Variants in TENM2 observed in about 807,000 individuals in gnomAD.
The protein encoded by TENM2 is teneurin-2.
A neutral mutation model predicts 245.2 loss-of-function variants in TENM2; 52 were observed. The ratio of observed to expected loss-of-function variants is 0.21; its 90% CI spans 0.17 to 0.27. The LOEUF (loss-of-function observed/expected upper bound fraction) is 0.27, where lower values mean the gene tolerates loss of function less well. TENM2 is among the 10% of genes least tolerant of loss of function. TENM2 has a pLI of 1.00. For missense variants in TENM2, 3,046 were observed against 3,666.8 expected (o/e 0.83, Z 4.37); for synonymous variants, 1,363 against 1,438.9 (o/e 0.95, Z 1.19).
At chr5:168,123,719 G>T (rs970540278) in intron 10 of TENM2, among the ~76,000 whole-genome samples, 1 of 152,204 alleles carries the variant, frequency 6.6e-6, no homozygotes, top group Non-Finnish European at 1.5e-5. Context: ...ATCAAGTAAG[G>T]TGATGATACA....
At chr5:168,185,826 CT>C (rs5873094) in intron 13 of TENM2, among the ~76,000 whole-genome samples, 70,181 of 146,116 alleles carry the variant, frequency 0.48, 19,316 homozygotes, top group Admixed American at 0.65. Context: ...ACTTTTGCAT[CT>C]TTTTTTTTAA....
chr5:167,397,805 C>A (rs1762141956), intron 2 of TENM2, among the ~76,000 whole-genome samples: 1 of 152,150 alleles, frequency 6.6e-6, no homozygotes, highest in African/African-American at 2.4e-5. Context: ...AAATTCGCAT[C>A]AAGAAAAAGT....
At chr5:167,228,343 T>C in the TENM2 span, among the ~76,000 whole-genome samples, 51 of 151,992 alleles carry the variant, frequency 3.4e-4, 1 homozygote, top group Middle Eastern at 3.4e-3. Context: ...GATTCTTTCT[T>C]CTGCTTGATC....
chr5:167,404,128 C>G (rs1475624579), intron 2 of TENM2, among the ~76,000 whole-genome samples: 1 of 152,024 alleles, frequency 6.6e-6, no homozygotes, highest in Non-Finnish European at 1.5e-5. Flanking sequence ...ATTTAACTCT[C>G]AAGATGTGCC....
intron 2 of TENM2, among the ~76,000 whole-genome samples, chr5:167,707,627 C>T (rs543687231): frequency 6.6e-6 from 1 of 152,256 alleles, no homozygotes; most frequent in South Asian, 2.1e-4. Context: ...TTTGAAAATG[C>T]ACCAACAAAA....
the TENM2 span, among the ~76,000 whole-genome samples, chr5:167,051,433 G>GA: frequency 0.16 from 24,123 of 149,434 alleles, 3,010 homozygotes; most frequent in East Asian, 0.39. Flanking sequence ...TGAATTGGGA[G>GA]AAAAAAAAAA....
the TENM2 span, among the ~76,000 whole-genome samples, chr5:167,221,487 G>T: frequency 4.6e-5 from 7 of 152,166 alleles, no homozygotes; most frequent in Non-Finnish European, 7.4e-5. Flanking sequence ...GGAACCTGTG[G>T]ATGGCTGCTT....
chr5:168,201,698 C>G (rs1471026511), intron 17 of TENM2, among the ~76,000 whole-genome samples: 1 of 152,198 alleles, frequency 6.6e-6, no homozygotes, highest in East Asian at 1.9e-4. Flanking sequence ...TACTTTGTCT[C>G]AGGATCCCAT....
At chr5:168,104,040 G>T (rs1581314760) in intron 9 of TENM2, among the ~76,000 whole-genome samples, 1 of 139,408 alleles carries the variant, frequency 7.2e-6, no homozygotes, top group Non-Finnish European at 1.6e-5. Context: ...TTGTTTGTTT[G>T]TTTTTTGAGA....
chr5:167,361,211 A>G (rs1435070150), intron 1 of TENM2, among the ~76,000 whole-genome samples: 1 of 152,154 alleles, frequency 6.6e-6, no homozygotes, highest in Non-Finnish European at 1.5e-5. Flanking sequence ...TGATTTTTTT[A>G]AGGAAAGTCA....
Position 167,649,601 on chromosome 5 carries a change from T to G in TENM2, c.503-226385T>G, listed in dbSNP as rs111792634. Among the ~76,000 whole-genome samples the G allele has an allele frequency of 5.3e-5, 8 of 152,296 alleles. 1 individual carries two copies. Among genetic ancestry groups the G allele is most frequent in the African/African-American group, 1.9e-4 (8 of 41,574 alleles). On this transcript the variant is annotated intron_variant, in intron 2 of 28. Transcript: ENST00000518659. The stretch of plus-strand genomic sequence containing the variant: ...CCTATTATGGCATTTTCATTTTAAT[T>G]GCACATGAAACCCATTTAAAGCGGT...
chr5:167,788,229 C>G (rs747025787), intron 2 of TENM2, among the ~76,000 whole-genome samples: 2 of 152,168 alleles, frequency 1.3e-5, no homozygotes, highest in Non-Finnish European at 2.9e-5. Context: ...CTCCAGTCCC[C>G]TCCTTCATAG....
the TENM2 span, among the ~76,000 whole-genome samples, chr5:167,128,514 T>A: frequency 2.0e-5 from 3 of 150,174 alleles, no homozygotes; most frequent in Non-Finnish European, 4.4e-5. Context: ...GGCCCACAGA[T>A]CTCACTTTGG....
At chr5:167,580,617 A>G (rs1337496714) in intron 2 of TENM2, among the ~76,000 whole-genome samples, 1 of 152,260 alleles carries the variant, frequency 6.6e-6, no homozygotes, top group Admixed American at 6.5e-5. Flanking sequence ...TTACTGCAGA[A>G]TAGGACAGGA....
intron 25 of TENM2, among the ~76,000 whole-genome samples, chr5:168,243,470 A>G (rs1464261211): frequency 1.3e-5 from 2 of 152,204 alleles, no homozygotes; most frequent in Non-Finnish European, 2.9e-5. Context: ...TAGATATTAG[A>G]AGGAAAGAAG....
chr5:167,866,848 T>A (rs1336196225), intron 2 of TENM2, among the ~76,000 whole-genome samples: 4 of 152,254 alleles, frequency 2.6e-5, no homozygotes, highest in Non-Finnish European at 5.9e-5. Flanking sequence ...ACTAGCCGGA[T>A]GTGGCTATCT....
intron 2 of TENM2, among the ~76,000 whole-genome samples, chr5:167,732,771 C>G (rs1046588469): frequency 2.0e-5 from 3 of 152,248 alleles, no homozygotes; most frequent in South Asian, 4.1e-4. Flanking sequence ...AGCTCTGAAC[C>G]AATCTTTCCG....
chr5:167,685,291 A>G (rs1178859511), intron 2 of TENM2, among the ~76,000 whole-genome samples: 1 of 152,194 alleles, frequency 6.6e-6, no homozygotes, highest in African/African-American at 2.4e-5. Flanking sequence ...TACATGGCAC[A>G]TGTCTGCCAT....
At chr5:168,020,040 T>C (rs1294739054) in intron 5 of TENM2, among the ~76,000 whole-genome samples, 1 of 152,130 alleles carries the variant, frequency 6.6e-6, no homozygotes, top group African/African-American at 2.4e-5. Context: ...TCTCTGAGGG[T>C]TAGGATCCAC....
Sources: allele counts gnomAD v4.1 joint callset (sites outside exome capture counted in the v4.1 genomes callset), GRCh38; gene constraint gnomAD v4.1.1; transcripts MANE v1.5; gene names NCBI Gene and HGNC (gene_info 2026-07-23, HGNC 2026-07-21).